Variants in SMIM20 observed in about 807,000 individuals in gnomAD.
SMIM20 encodes mitochondrial translation regulation assembly intermediate of cytochrome c oxidase protein of 7 kDa.
Under a neutral mutation model 8.7 loss-of-function variants are expected in SMIM20, and 3 were observed. That is an observed-to-expected ratio of 0.34 (90% CI 0.16 to 0.89). The LOEUF (loss-of-function observed/expected upper bound fraction) is 0.89, where lower values mean the gene tolerates loss of function less well. SMIM20 is among the 40% of genes least tolerant of loss of function. The pLI, the probability that SMIM20 is intolerant of heterozygous loss-of-function variation, is 0.49. For missense variants in SMIM20, 85 were observed against 84.8 expected (o/e 1.00, Z -0.01); for synonymous variants, 44 against 33.6 (o/e 1.31, Z -1.07).
chr4:25,914,293 G>A lies in SMIM20; in HGVS notation c.-21G>A. The A allele has an allele frequency of 6.5e-7, 1 of 1,547,366 alleles. No homozygotes were observed. The highest frequency in any genetic ancestry group is 8.7e-7 in the Non-Finnish European group (1 of 1,144,100). ...GAGTGCCGGGCGGTCGGCGGGTCAG[G>A]GCAGCCCGGGGCCTGACGCCATGTC... On this transcript the variant is annotated 5_prime_UTR_variant, in exon 1 of 3. Transcript: ENST00000506197.
At chr4:25,925,852 C>CA (rs1201673193) in intron 1 of SMIM20, among the ~76,000 whole-genome samples, 1 of 152,108 alleles carries the variant, frequency 6.6e-6, no homozygotes, top group East Asian at 1.9e-4. Context: ...TACTATCGTA[C>CA]AAAAAATCAG....
chr4:25,918,619 T>A (rs1261229521), intron 1 of SMIM20, among the ~76,000 whole-genome samples: 1 of 151,672 alleles, frequency 6.6e-6, no homozygotes, highest in African/African-American at 2.4e-5. Context: ...CTAGTAATTC[T>A]CCTGCCTCAG....
At chr4:25,928,490 G>A (rs1711571677) in intron 2 of SMIM20, 121 bp downstream of exon 2, 3 of 946,816 alleles carry the variant, frequency 3.2e-6, no homozygotes, top group Non-Finnish European at 3.0e-6. Context: ...AGACAAGATT[G>A]TGATTTTGCT....
chr4:25,914,340 C>G lies in SMIM20; in HGVS notation c.27C>G (p.Leu9=). The part of the protein sequence containing the change: MSRNLRTA[L]IFGGFISLIG... The stretch of plus-strand genomic sequence containing the variant: ...TGTCCCGGAACCTGCGCACCGCGCT[C>G]ATTTTCGGCGGCTTCATCTCCCTGA... Residue 9 remains leucine (L), a synonymous_variant, in exon 1 of 3, where the codon CTC becomes CTG. Transcript: ENST00000506197. The G allele has an allele frequency of 1.3e-6, 2 of 1,550,726 alleles. No homozygotes were observed. Among genetic ancestry groups the G allele is most frequent in the Non-Finnish European group, 1.7e-6 (2 of 1,146,378 alleles).
intron 1 of SMIM20, among the ~76,000 whole-genome samples, chr4:25,916,486 A>G (rs1294609844): frequency 6.6e-6 from 1 of 152,016 alleles, no homozygotes; most frequent in Non-Finnish European, 1.5e-5. Context: ...TGCTGGGATT[A>G]TAGGTGTGAG....
chr4:25,922,375 G>A (rs1244318795), intron 1 of SMIM20, among the ~76,000 whole-genome samples: 4 of 152,194 alleles, frequency 2.6e-5, no homozygotes, highest in African/African-American at 9.7e-5. Context: ...AGGAAGGATG[G>A]TGTGGATGCT....
intron 1 of SMIM20, among the ~76,000 whole-genome samples, chr4:25,922,536 C>T (rs1719217903): frequency 6.6e-6 from 1 of 152,150 alleles, no homozygotes; most frequent in South Asian, 2.1e-4. Flanking sequence ...CTTCCCTGGG[C>T]CTCTCCACCG....
intron 2 of SMIM20, 124 bp from the exon 3 acceptor site, chr4:25,929,030 C>G: frequency 8.4e-7 from 1 of 1,188,076 alleles, no homozygotes; most frequent in Non-Finnish European, 1.2e-6. Context: ...CCTGCTCACA[C>G]CATCTCAAAC....
Position 25,914,227 on chromosome 4 carries a change from G to T in SMIM20, c.-87G>T. The T allele has an allele frequency of 6.7e-7, 1 of 1,500,030 alleles. No homozygotes were observed. The highest frequency in any genetic ancestry group is 1.3e-5 in the South Asian group (1 of 78,640). The allele number at this position is 1,500,030 out of a possible 1,614,324, so 92.9% of individuals were successfully genotyped here. Reference sequence around the variant, plus strand: ...AAGCGAAAGCCTCTCCACCTCTTCCGAGCGGGGTCACGGCCCGGCCGTCGG... The same window carrying T: ...AAGCGAAAGCCTCTCCACCTCTTCCTAGCGGGGTCACGGCCCGGCCGTCGG... On this transcript the variant is annotated 5_prime_UTR_variant, in exon 1 of 3. Coordinates refer to ENST00000506197, the MANE Select transcript of SMIM20 (RefSeq NM_001145432.3).
rs1711589151 is a variant in SMIM20, at chr4:25,929,309, C to A, written c.*118C>A. 4 of 975,680 alleles carry A rather than the reference C, an allele frequency of 4.1e-6. No individual in the cohort carries two copies. Among genetic ancestry groups the A allele is most frequent in the Non-Finnish European group, 6.2e-6 (4 of 648,826 alleles). The allele number at this position is 975,680 out of a possible 1,614,324, so 60.4% of individuals were successfully genotyped here. A position where few individuals can be genotyped will look rare whatever the true frequency, so the allele number is the denominator to read the frequency against. ...GGCTGGAGAAGAAAACTCTGTAATACCATAAATAAGAGTGCTTGTAATAAA... is the reference window on the plus strand; with the variant it reads ...GGCTGGAGAAGAAAACTCTGTAATAACATAAATAAGAGTGCTTGTAATAAA... On this transcript the variant is annotated 3_prime_UTR_variant, in exon 3 of 3. Transcript: ENST00000506197.
chr4:25,920,765 T>A (rs1268731740), intron 1 of SMIM20, among the ~76,000 whole-genome samples: 1 of 152,218 alleles, frequency 6.6e-6, no homozygotes, highest in Non-Finnish European at 1.5e-5. Flanking sequence ...TTGGAAAATC[T>A]TTTATACAGT....
chr4:25,917,729 C>T (rs926207248), intron 1 of SMIM20, among the ~76,000 whole-genome samples: 17 of 152,184 alleles, frequency 1.1e-4, no homozygotes, highest in African/African-American at 2.7e-4. Context: ...CTGTCCACCT[C>T]GCTCCACCCA....
intron 2 of SMIM20, among the ~76,000 whole-genome samples, chr4:25,928,871 T>C (rs1417660484): frequency 6.6e-6 from 1 of 152,234 alleles, no homozygotes; most frequent in Non-Finnish European, 1.5e-5. Flanking sequence ...AAAGCTCTTA[T>C]AATCTGTGGC....
chr4:25,926,325 C>T (rs2109365984), intron 1 of SMIM20, among the ~76,000 whole-genome samples: 1 of 152,232 alleles, frequency 6.6e-6, no homozygotes, highest in South Asian at 2.1e-4. Context: ...CTGCTTTGGC[C>T]TTAGAGTATT....
chr4:25,918,382 T>A (rs1362401780), intron 1 of SMIM20, among the ~76,000 whole-genome samples: 1 of 152,234 alleles, frequency 6.6e-6, no homozygotes, highest in African/African-American at 2.4e-5. Flanking sequence ...TGTGGCCATG[T>A]TATTAGGTGC....
At chr4:25,919,657 A>G (rs1416491103) in intron 1 of SMIM20, among the ~76,000 whole-genome samples, 3 of 151,916 alleles carry the variant, frequency 2.0e-5, no homozygotes, top group Non-Finnish European at 4.4e-5. Context: ...CTTCTGTTCT[A>G]TTTCTATGCT....
At chr4:25,924,094 C>T (rs1300617136) in intron 1 of SMIM20, among the ~76,000 whole-genome samples, 1 of 152,172 alleles carries the variant, frequency 6.6e-6, no homozygotes, top group Non-Finnish European at 1.5e-5. Flanking sequence ...CTGCTGCGGT[C>T]ATATGGCTTC....
chr4:25,929,377 A>G lies in SMIM20; in HGVS notation c.*186A>G. The G allele has an allele frequency of 1.7e-6, 1 of 578,116 alleles. No homozygotes were observed. The highest frequency in any genetic ancestry group is 2.9e-6 in the Non-Finnish European group (1 of 344,132). The allele number at this position is 578,116 out of a possible 1,614,324, so 35.8% of individuals were successfully genotyped here. A position where few individuals can be genotyped will look rare whatever the true frequency, so the allele number is the denominator to read the frequency against. ...TAATATTTCCCTTCTTAAGTATCAA[A>G]AGAACTCTGGAACAAATTATACCAT... On this transcript the variant is annotated 3_prime_UTR_variant, in exon 3 of 3. Transcript: ENST00000506197.
At chr4:25,920,752 C>T (rs918895175) in intron 1 of SMIM20, among the ~76,000 whole-genome samples, 1 of 152,148 alleles carries the variant, frequency 6.6e-6, no homozygotes, top group Non-Finnish European at 1.5e-5. Flanking sequence ...TTGGGTACAC[C>T]ATTTGGAAAA....
Sources: allele counts gnomAD v4.1 joint callset (sites outside exome capture counted in the v4.1 genomes callset), GRCh38; gene constraint gnomAD v4.1.1; transcripts MANE v1.5; gene names NCBI Gene and HGNC (gene_info 2026-07-23, HGNC 2026-07-21).